The following CACNA2D3 variants were observed in gnomAD, a reference collection of about 807,000 sequenced individuals.
CACNA2D3 encodes voltage-dependent calcium channel subunit alpha-2/delta-3.
CACNA2D3 carries 60 observed loss-of-function variants against 160.6 expected under a neutral mutation model. The ratio of observed to expected loss-of-function variants is 0.37; its 90% CI spans 0.30 to 0.46. The LOEUF is 0.46. Among genes scored for constraint, CACNA2D3 ranks in the 20% least tolerant of loss-of-function variants. The pLI, the probability that CACNA2D3 is intolerant of heterozygous loss-of-function variation, is 1.00. For missense variants in CACNA2D3, 1,205 were observed against 1,365.0 expected (o/e 0.88, Z 1.85); for synonymous variants, 558 against 492.9 (o/e 1.13, Z -1.75).
At chr3:54,697,447 G>A (rs1700685363) in intron 11 of CACNA2D3, among the ~76,000 whole-genome samples, 1 of 152,166 alleles carries the variant, frequency 6.6e-6, no homozygotes, top group Non-Finnish European at 1.5e-5. Flanking sequence ...TTGGCTGAAC[G>A]AACTTTAGAG....
At chr3:54,359,125 C>T (rs1698699978) in intron 3 of CACNA2D3, among the ~76,000 whole-genome samples, 1 of 152,076 alleles carries the variant, frequency 6.6e-6, no homozygotes, top group Non-Finnish European at 1.5e-5. Context: ...CTTAGAGAAA[C>T]AAATAGAACA....
intron 2 of CACNA2D3, among the ~76,000 whole-genome samples, chr3:54,140,961 G>GTCC (rs1699914497): frequency 6.6e-6 from 1 of 152,038 alleles, no homozygotes; most frequent in Non-Finnish European, 1.5e-5. Context: ...GGTCTGCCTG[G>GTCC]TCCTCAGCCA....
intron 4 of CACNA2D3, among the ~76,000 whole-genome samples, chr3:54,494,664 G>T (rs1012083292): frequency 3.3e-5 from 5 of 152,054 alleles, no homozygotes; most frequent in Admixed American, 1.3e-4. Context: ...ACAGGGTGCT[G>T]TATTAGTCTG....
At chr3:55,052,179 C>T (rs1704240008) in intron 35 of CACNA2D3, among the ~76,000 whole-genome samples, 2 of 152,252 alleles carry the variant, frequency 1.3e-5, no homozygotes, top group South Asian at 4.1e-4. Flanking sequence ...CTTATGGCTT[C>T]CTCTTTGACC....
intron 2 of CACNA2D3, among the ~76,000 whole-genome samples, chr3:54,127,529 G>A (rs1237323167): frequency 6.6e-6 from 1 of 152,164 alleles, no homozygotes; most frequent in Non-Finnish European, 1.5e-5. Flanking sequence ...TGCTGCTCGT[G>A]GGAAGCCCAG....
chr3:54,703,173 C>T (rs1306062321), intron 11 of CACNA2D3, among the ~76,000 whole-genome samples: 1 of 151,982 alleles, frequency 6.6e-6, no homozygotes, highest in South Asian at 2.1e-4. Flanking sequence ...CACCAAACGC[C>T]AGTGACATGC....
In CACNA2D3 at chr3:54,832,011, TCACACACACACACACA is replaced by T. The variant is rs60020847; in HGVS notation, c.1399-5118_1399-5103del. ...TCCCTCTTTATCTCTCTCTTCTCTG[TCACACACACACACACA>T]CACACACACACACACACACACACAC... On this transcript the variant is annotated intron_variant, in intron 14 of 37. Coordinates refer to ENST00000474759, the MANE Select transcript of CACNA2D3 (RefSeq NM_018398.3). Among the ~76,000 whole-genome samples, 158 of 118,952 alleles carry T rather than the reference TCACACACACACACACA, an allele frequency of 1.3e-3. 1 individual carries two copies. Among genetic ancestry groups the T allele is most frequent in the Non-Finnish European group, 1.6e-3 (95 of 57,796 alleles). The allele number at this position is 118,952 out of a possible 152,430, so 78.0% of individuals were successfully genotyped here. A position where few individuals can be genotyped will look rare whatever the true frequency, so the allele number is the denominator to read the frequency against.
chr3:54,305,696 C>T (rs1703582748), intron 2 of CACNA2D3, among the ~76,000 whole-genome samples: 2 of 152,200 alleles, frequency 1.3e-5, no homozygotes, highest in Admixed American at 1.3e-4. Context: ...CTTGGAAGTG[C>T]ACAGAGGTGC....
chr3:55,061,534 A>G (rs1704504965), intron 35 of CACNA2D3, among the ~76,000 whole-genome samples: 1 of 152,208 alleles, frequency 6.6e-6, no homozygotes, highest in South Asian at 2.1e-4. Context: ...AAGCTTAAAC[A>G]ATACAGGGAA....
chr3:54,884,044 G>A (rs756284008), intron 21 of CACNA2D3, among the ~76,000 whole-genome samples: 5 of 152,016 alleles, frequency 3.3e-5, no homozygotes, highest in Non-Finnish European at 7.3e-5. Context: ...ATCATACCTG[G>A]CATATAGCAG....
At chr3:54,623,446 C>G (rs1287497384) in intron 9 of CACNA2D3, among the ~76,000 whole-genome samples, 1 of 152,164 alleles carries the variant, frequency 6.6e-6, no homozygotes, top group Non-Finnish European at 1.5e-5. Context: ...ATAAATGGTC[C>G]CACTCCTTAA....
intron 35 of CACNA2D3, among the ~76,000 whole-genome samples, chr3:55,069,812 G>T (rs1704757953): frequency 6.6e-6 from 1 of 152,146 alleles, no homozygotes. Context: ...CCAAAGGCGT[G>T]TTTTCTCTTA....
At chr3:54,164,530 G>A (rs527542804) in intron 2 of CACNA2D3, among the ~76,000 whole-genome samples, 2 of 152,120 alleles carry the variant, frequency 1.3e-5, no homozygotes, top group Admixed American at 1.3e-4. Flanking sequence ...CTTATCTCTG[G>A]TCTTTTTGTC....
intron 2 of CACNA2D3, among the ~76,000 whole-genome samples, chr3:54,172,996 T>G (rs1412016226): frequency 1.3e-5 from 2 of 152,162 alleles, no homozygotes; most frequent in African/African-American, 4.8e-5. Context: ...TGTCCCAGTT[T>G]TAGCACTGAA....
intron 11 of CACNA2D3, among the ~76,000 whole-genome samples, chr3:54,653,794 G>C (rs1044107570): frequency 2.6e-5 from 4 of 152,190 alleles, no homozygotes; most frequent in African/African-American, 9.7e-5. Context: ...TCTCTTCCTG[G>C]GTGTGGCACT....
intron 4 of CACNA2D3, among the ~76,000 whole-genome samples, chr3:54,479,645 C>T (rs541231240): frequency 2.6e-5 from 4 of 152,136 alleles, no homozygotes; most frequent in Admixed American, 6.5e-5. Context: ...CATCAGAAAC[C>T]GATAGGAGAG....
chr3:54,977,260 T>C (rs1170260304), intron 29 of CACNA2D3, among the ~76,000 whole-genome samples: 1 of 152,188 alleles, frequency 6.6e-6, no homozygotes, highest in Non-Finnish European at 1.5e-5. Flanking sequence ...ATTATTCTCT[T>C]TGGAAGTACA....
chr3:54,447,017 AACT>A lies in CACNA2D3; in HGVS notation c.382-56472_382-56470del, dbSNP rs138539878. Among the ~76,000 whole-genome samples the A allele has an allele frequency of 4.8e-3, 725 of 152,270 alleles. 6 individuals are homozygous for A. Among genetic ancestry groups the A allele is most frequent in the African/African-American group, 0.016 (657 of 41,546 alleles). On this transcript the variant is annotated intron_variant, in intron 4 of 37. Transcript: ENST00000474759. ...TTAAGTGAGGCATTGACATCTTGTT[AACT>A]ACATAATAGGCACTTTTTTCAGCCA...
At chr3:54,938,140 A>G (rs1701376108) in intron 27 of CACNA2D3, among the ~76,000 whole-genome samples, 1 of 152,192 alleles carries the variant, frequency 6.6e-6, no homozygotes, top group South Asian at 2.1e-4. Context: ...GGGCAGCAGA[A>G]TGGCAGAGTT....
Sources: gnomAD v4.1 joint callset for allele counts (sites outside exome capture counted in the v4.1 genomes callset) on GRCh38, gnomAD v4.1.1 for gene constraint, MANE v1.5 for transcripts, NCBI Gene and HGNC (gene_info 2026-07-23, HGNC 2026-07-21) for gene names.